The following KCNH1 variants were observed in gnomAD, a reference collection of about 807,000 sequenced individuals.
The protein encoded by KCNH1 is voltage-gated delayed rectifier potassium channel KCNH1.
A neutral mutation model predicts 69.2 loss-of-function variants in KCNH1; 27 were observed. The observed-to-expected ratio is 0.39, with a 90% CI of 0.29 to 0.54. The LOEUF is 0.54. KCNH1 is among the 20% of genes least tolerant of loss of function. The pLI, the probability that KCNH1 is intolerant of heterozygous loss-of-function variation, is 0.68. For missense variants in KCNH1, 798 were observed against 1,261.6 expected (o/e 0.63, Z 5.57); for synonymous variants, 456 against 487.7 (o/e 0.93, Z 0.86).
Position 210,683,781 on chromosome 1 carries a change from G to C in KCNH1, c.2470C>G (p.Pro824Ala), listed in dbSNP as rs749522955. 1 of 1,613,810 alleles carries C rather than the reference G, an allele frequency of 6.2e-7. No individual in the cohort carries two copies. The highest frequency in any genetic ancestry group is 1.7e-5 in the Admixed American group (1 of 60,020). Residue 824 changes from proline (P) to alanine (A), a missense_variant, in exon 11 of 11, where the codon CCC becomes GCC. Transcript: ENST00000271751. The surrounding 1 kb of genome is among the most constrained non-coding windows in gnomAD (Gnocchi z 5.7). ...GCACAATCGCCCCCGCCCCCCTTGG[G>C]GCCCAGGCACTCGGACCCTGGCGCC... Reference protein sequence around the residue: ...LQAPGSECLGPKGGGGDCAKR... With the variant: ...LQAPGSECLGAKGGGGDCAKR...
chr1:210,783,331 T>C (rs1412957831), intron 9 of KCNH1, among the ~76,000 whole-genome samples: 1 of 152,190 alleles, frequency 6.6e-6, no homozygotes, highest in East Asian at 1.9e-4. Context: ...TGCTAGGTGA[T>C]GGAAAGAAGG....
At chr1:210,893,259 T>C (rs987672105) in intron 7 of KCNH1, among the ~76,000 whole-genome samples, 22 of 152,206 alleles carry the variant, frequency 1.4e-4, no homozygotes, top group African/African-American at 5.3e-4. Flanking sequence ...AATTTTGGTT[T>C]TGAAAGATTT....
intron 1 of KCNH1, among the ~76,000 whole-genome samples, chr1:211,112,985 G>T (rs898861363): frequency 1.3e-5 from 2 of 151,990 alleles, no homozygotes; most frequent in Non-Finnish European, 2.9e-5. Flanking sequence ...AGGAATTAAG[G>T]GATTCCACAT....
chr1:210,709,202 T>C (rs1681991884), intron 10 of KCNH1, among the ~76,000 whole-genome samples: 1 of 152,184 alleles, frequency 6.6e-6, no homozygotes, highest in African/African-American at 2.4e-5. Flanking sequence ...TGAGCTGAGA[T>C]TGTACCACTG....
intron 9 of KCNH1, among the ~76,000 whole-genome samples, chr1:210,790,677 T>C (rs1432863880): frequency 6.6e-6 from 1 of 152,230 alleles, no homozygotes; most frequent in Non-Finnish European, 1.5e-5. Context: ...TGGTGTTGTA[T>C]TTGGCAGCCC....
chr1:210,967,685 G>C (rs964871224), intron 6 of KCNH1, among the ~76,000 whole-genome samples: 3 of 151,882 alleles, frequency 2.0e-5, no homozygotes, highest in Non-Finnish European at 4.4e-5. Context: ...CAATTATTAG[G>C]TTATAAGAAG....
intron 6 of KCNH1, among the ~76,000 whole-genome samples, 180 bp from the exon 7 acceptor site, chr1:210,920,249 A>G (rs998441769): frequency 2.6e-5 from 4 of 152,260 alleles, no homozygotes; most frequent in African/African-American, 9.6e-5. Context: ...GGAAATTCCC[A>G]TTAGCATTTT....
chr1:210,885,935 G>A (rs1274788880), intron 7 of KCNH1, among the ~76,000 whole-genome samples: 1 of 152,180 alleles, frequency 6.6e-6, no homozygotes, highest in Non-Finnish European at 1.5e-5. Flanking sequence ...CTGGGACAGA[G>A]CACCTGAGGG....
chr1:210,725,432 G>A (rs1195116439), intron 10 of KCNH1, among the ~76,000 whole-genome samples: 1 of 152,172 alleles, frequency 6.6e-6, no homozygotes, highest in Non-Finnish European at 1.5e-5. Context: ...TCAGATCTAA[G>A]AAAGCTTCCA....
intron 5 of KCNH1, among the ~76,000 whole-genome samples, chr1:211,049,446 C>T (rs12122529): frequency 0.41 from 62,862 of 151,950 alleles, 13,863 homozygotes; most frequent in South Asian, 0.56. Context: ...GCTTACTTGA[C>T]AGGAATGTGG....
chr1:210,726,667 G>A (rs571270897), intron 10 of KCNH1, among the ~76,000 whole-genome samples: 1 of 152,290 alleles, frequency 6.6e-6, no homozygotes, highest in Non-Finnish European at 1.5e-5. Context: ...TGCAGGATCA[G>A]GTAATTAAGC....
chr1:210,858,318 G>A (rs1488166106), intron 7 of KCNH1: 1 of 152,074 alleles, frequency 6.6e-6, no homozygotes, highest in African/African-American at 2.4e-5. Context: ...GGACACAGAG[G>A]GAGTTGTCAT....
intron 7 of KCNH1, among the ~76,000 whole-genome samples, chr1:210,808,823 T>G (rs1574269223): frequency 1.3e-5 from 2 of 152,190 alleles, no homozygotes; most frequent in East Asian, 3.9e-4. Flanking sequence ...GACATGTAAG[T>G]CCAGTTGTCA....
chr1:210,922,851 C>G (rs1687493466), intron 6 of KCNH1, among the ~76,000 whole-genome samples: 1 of 152,184 alleles, frequency 6.6e-6, no homozygotes, highest in Non-Finnish European at 1.5e-5. Flanking sequence ...TTTTTGATGA[C>G]TCAGAAATCA....
chr1:210,909,365 G>A (rs746475680), intron 7 of KCNH1, among the ~76,000 whole-genome samples: 3 of 152,148 alleles, frequency 2.0e-5, no homozygotes, highest in Non-Finnish European at 4.4e-5. Flanking sequence ...GTGGAATTGT[G>A]GAACCATTCA....
At chr1:210,984,279 T>C (rs1267292633) in intron 6 of KCNH1, among the ~76,000 whole-genome samples, 1 of 152,174 alleles carries the variant, frequency 6.6e-6, no homozygotes, top group Non-Finnish European at 1.5e-5. Flanking sequence ...TTCTCCTGCC[T>C]GATTGCCCTG....
intron 6 of KCNH1, among the ~76,000 whole-genome samples, chr1:210,935,231 C>G (rs1211303900): frequency 1.3e-5 from 2 of 150,536 alleles, no homozygotes; most frequent in Non-Finnish European, 2.9e-5. Flanking sequence ...AATGGATGAG[C>G]CTGGAACACA....
chr1:211,034,340 G>A (rs948323258), intron 5 of KCNH1, among the ~76,000 whole-genome samples: 2 of 151,840 alleles, frequency 1.3e-5, no homozygotes, highest in African/African-American at 2.4e-5. Flanking sequence ...ACATACTTAT[G>A]ACTCCATATA....
chr1:211,105,227 C>A (rs916789695), intron 2 of KCNH1, among the ~76,000 whole-genome samples: 11 of 152,038 alleles, frequency 7.2e-5, no homozygotes, highest in African/African-American at 2.7e-4. Flanking sequence ...CTAATTTAGC[C>A]CTGCCTGAGA....
Sources: gnomAD v4.1 joint callset for allele counts (sites outside exome capture counted in the v4.1 genomes callset) on GRCh38, gnomAD v4.1.1 for gene constraint, Gnocchi (gnomAD v3.1) non-coding constraint, MANE v1.5 for transcripts, NCBI Gene and HGNC (gene_info 2026-07-23, HGNC 2026-07-21) for gene names.